LRRC38: variants seen among roughly 807,000 people sequenced by gnomAD.
LRRC38 encodes leucine-rich repeat-containing protein 38.
In LRRC38, 5 loss-of-function variants were observed where a neutral mutation model predicts 16.4. The ratio of observed to expected loss-of-function variants is 0.31; its 90% CI spans 0.16 to 0.64. The LOEUF (loss-of-function observed/expected upper bound fraction) is 0.64. Ranked by LOEUF, LRRC38 falls within the 30% of genes least tolerant of loss-of-function variation. LRRC38 has a pLI of 0.80. For synonymous variants in LRRC38, 191 were observed against 190.2 expected (o/e 1.00, Z -0.04); for missense variants, 341 against 401.8 (o/e 0.85, Z 1.29).
chr1:13,486,220 T>C (rs1638932729), intron 1 of LRRC38, among the ~76,000 whole-genome samples: 1 of 152,176 alleles, frequency 6.6e-6, no homozygotes, highest in African/African-American at 2.4e-5. Context: ...AGCCTCTCCC[T>C]CTGTCTCCAT....
chr1:13,496,371 CTA>C (rs1639080806), intron 1 of LRRC38, among the ~76,000 whole-genome samples: 1 of 152,040 alleles, frequency 6.6e-6, no homozygotes, highest in Non-Finnish European at 1.5e-5. Flanking sequence ...CAGGGTTTCA[CTA>C]TGTTTCCCAG....
Position 13,513,696 on chromosome 1 carries a change from C to T in LRRC38, c.-103G>A. On this transcript the variant is annotated 5_prime_UTR_variant, in exon 1 of 2. Coordinates refer to ENST00000376085, the MANE Select transcript of LRRC38 (RefSeq NM_001010847.2). ...GGCACTGGCTGCCGGGCGCGGGGAG[C>T]CAGAGGGCGGCCCGGGCGGGGAGGG... 4 of 780,896 alleles carry T rather than the reference C, an allele frequency of 5.1e-6. No individual in the cohort carries two copies. Among genetic ancestry groups the T allele is most frequent in the Non-Finnish European group, 4.7e-6 (3 of 639,528 alleles). The allele number at this position is 780,896 out of a possible 1,614,324, so 48.4% of individuals were successfully genotyped here.
At chr1:13,477,835 T>C (rs1048741248) in intron 1 of LRRC38, among the ~76,000 whole-genome samples, 2 of 152,064 alleles carry the variant, frequency 1.3e-5, no homozygotes, top group Non-Finnish European at 2.9e-5. Context: ...AAAAGAAATG[T>C]TGGGAAAGAG....
Position 13,475,609 on chromosome 1 carries a change from G to T in LRRC38, c.*237C>A. Reference sequence around the variant, plus strand: ...CCCAACACACACCTCGATCTGAGAGGCAGGTTATGCTCCAGGAATAATTCC... The same window carrying T: ...CCCAACACACACCTCGATCTGAGAGTCAGGTTATGCTCCAGGAATAATTCC... On this transcript the variant is annotated 3_prime_UTR_variant, in exon 2 of 2. Coordinates refer to ENST00000376085, the MANE Select transcript of LRRC38 (RefSeq NM_001010847.2). The surrounding 1 kb of genome is among the most constrained non-coding windows in gnomAD (Gnocchi z 4.3). 2 of 522,068 alleles carry T rather than the reference G, an allele frequency of 3.8e-6. No individual in the cohort carries two copies. Among genetic ancestry groups the T allele is most frequent in the South Asian group, 5.7e-5 (2 of 35,346 alleles). The allele number at this position is 522,068 out of a possible 1,614,324, so 32.3% of individuals were successfully genotyped here. A position where few individuals can be genotyped will look rare whatever the true frequency, so the allele number is the denominator to read the frequency against.
In LRRC38 at chr1:13,475,728, G is replaced by A. The variant is rs1638777993; in HGVS notation, c.*118C>T. The stretch of plus-strand genomic sequence containing the variant: ...ACCCAGGGGCCAAGACACGGAACAG[G>A]CTCTGTTCAGTTCACAGATGGTGGC... On this transcript the variant is annotated 3_prime_UTR_variant, in exon 2 of 2. Coordinates refer to ENST00000376085, the MANE Select transcript of LRRC38 (RefSeq NM_001010847.2). This position sits in a 1 kb window ranked among gnomAD's most constrained non-coding sequence, Gnocchi z 4.3. 2.3e-6 allele frequency: 3 copies of A among 1,318,296 alleles called. No individual in the cohort carries two copies. The highest frequency in any genetic ancestry group is 3.1e-6 in the Non-Finnish European group (3 of 970,454). The allele number at this position is 1,318,296 out of a possible 1,614,324, so 81.7% of individuals were successfully genotyped here.
At chr1:13,504,716 G>C (rs931072019) in intron 1 of LRRC38, among the ~76,000 whole-genome samples, 57 of 125,794 alleles carry the variant, frequency 4.5e-4, no homozygotes, top group African/African-American at 1.6e-3. Flanking sequence ...GAGTGAGACT[G>C]TGTTGAAGGG....
intron 1 of LRRC38, among the ~76,000 whole-genome samples, chr1:13,497,892 C>T (rs550427591): frequency 3.9e-4 from 54 of 139,496 alleles, no homozygotes; most frequent in Non-Finnish European, 6.4e-4. Context: ...CCCTGGAGGC[C>T]GAGGTTGCCG....
rs1261227742 is a variant in LRRC38 at position 13,474,984 on chromosome 1, CAACA to C, written c.*858_*861del. The stretch of plus-strand genomic sequence containing the variant: ...TACCAGAGATTGAGTGGCTTACAAA[CAACA>C]GACATTTATTTATTTCTCCCAGTTC... On this transcript the variant is annotated 3_prime_UTR_variant, in exon 2 of 2. Transcript: ENST00000376085. The C allele has an allele frequency of 6.6e-6, 1 of 152,216 alleles. No individual in the cohort carries two copies. Among genetic ancestry groups the C allele is most frequent in the African/African-American group, 2.4e-5 (1 of 41,446 alleles). The allele number at this position is 152,216 out of a possible 1,614,324, so 9.4% of individuals were successfully genotyped here. A position where few individuals can be genotyped will look rare whatever the true frequency, so the allele number is the denominator to read the frequency against.
chr1:13,513,667 G>T lies in LRRC38; in HGVS notation c.-74C>A. On this transcript the variant is annotated 5_prime_UTR_variant, in exon 1 of 2. Transcript: ENST00000376085. ...GCGAGCCCTGGCGCGGGACGGCGCGGTGAGGCACTGGCTGCCGGGCGCGGG... is the reference window on the plus strand; with the variant it reads ...GCGAGCCCTGGCGCGGGACGGCGCGTTGAGGCACTGGCTGCCGGGCGCGGG... 1.0e-6 allele frequency: 1 copy of T among 985,088 alleles called. No individual in the cohort carries two copies. The allele number at this position is 985,088 out of a possible 1,614,324, so 61.0% of individuals were successfully genotyped here.
chr1:13,495,417 T>C (rs1639069912), intron 1 of LRRC38, among the ~76,000 whole-genome samples: 1 of 152,032 alleles, frequency 6.6e-6, no homozygotes, highest in Non-Finnish European at 1.5e-5. Flanking sequence ...GCTGGGAGCT[T>C]TGCATGTCCT....
intron 1 of LRRC38, among the ~76,000 whole-genome samples, chr1:13,501,768 T>TTTTG (rs540948736): frequency 8.6e-5 from 13 of 150,926 alleles, no homozygotes; most frequent in African/African-American, 1.2e-4. Context: ...TCATTTTTGT[T>TTTTG]TTTGTTTGTT....
intron 1 of LRRC38, among the ~76,000 whole-genome samples, chr1:13,491,938 A>C (rs961944932): frequency 2.6e-5 from 4 of 152,180 alleles, no homozygotes; most frequent in African/African-American, 4.8e-5. Context: ...GGCCTCCTAA[A>C]GTGCTGGGAT....
At chr1:13,504,774 A>AGGGAAGGGG (rs1639191182) in intron 1 of LRRC38, among the ~76,000 whole-genome samples, 1 of 92,584 alleles carries the variant, frequency 1.1e-5, no homozygotes, top group Admixed American at 1.3e-4. Context: ...GAAGGGAGGG[A>AGGGAAGGGG]AGGGGAGAGG....
chr1:13,480,661 T>A (rs1436715709), intron 1 of LRRC38, among the ~76,000 whole-genome samples: 1 of 151,900 alleles, frequency 6.6e-6, no homozygotes, highest in Non-Finnish European at 1.5e-5. Context: ...ACTACCATGA[T>A]GTTTTTAGAA....
At chr1:13,498,287 T>C (rs546448688) in intron 1 of LRRC38, among the ~76,000 whole-genome samples, 1 of 152,012 alleles carries the variant, frequency 6.6e-6, no homozygotes, top group African/African-American at 2.4e-5. Context: ...TTAGCGCTTA[T>C]TTCCCCACAC....
intron 1 of LRRC38, among the ~76,000 whole-genome samples, chr1:13,486,259 C>T (rs768118262): frequency 6.6e-6 from 1 of 152,134 alleles, no homozygotes; most frequent in Non-Finnish European, 1.5e-5. Context: ...CTCCGTCTTG[C>T]AAGTCTCCCT....
chr1:13,503,247 G>GTTAA (rs549062789), intron 1 of LRRC38, among the ~76,000 whole-genome samples: 14 of 152,176 alleles, frequency 9.2e-5, no homozygotes, highest in African/African-American at 2.9e-4. Context: ...ACTCTAAATT[G>GTTAA]TTTATTTATT....
intron 1 of LRRC38, among the ~76,000 whole-genome samples, chr1:13,503,955 C>T (rs918030929): frequency 6.6e-6 from 1 of 152,172 alleles, no homozygotes. Flanking sequence ...CAGCCTCCGA[C>T]GTGCAAGAGC....
intron 1 of LRRC38, among the ~76,000 whole-genome samples, chr1:13,508,499 GA>G (rs1214884586): frequency 6.6e-6 from 1 of 152,094 alleles, no homozygotes. Flanking sequence ...TTCAGTAACA[GA>G]AAAAAATCAT....
Sources: allele counts gnomAD v4.1 joint callset (sites outside exome capture counted in the v4.1 genomes callset), GRCh38; gene constraint gnomAD v4.1.1; non-coding constraint Gnocchi (gnomAD v3.1); transcripts MANE v1.5; gene names NCBI Gene and HGNC (gene_info 2026-07-23, HGNC 2026-07-21).